The following NFS1 variants were observed in gnomAD, a reference collection of about 807,000 sequenced individuals.
NFS1 encodes NFS1 cysteine desulfurase.
NFS1 carries 26 observed loss-of-function variants against 57.3 expected under a neutral mutation model. The ratio of observed to expected loss-of-function variants is 0.45; its 90% confidence interval spans 0.33 to 0.63. NFS1 has a LOEUF of 0.63. NFS1 is among the 20% of genes least tolerant of loss of function. The probability of loss-of-function intolerance (pLI) is 0.02; values close to 1 mark genes in which losing one functional copy is unlikely to be tolerated. For missense variants in NFS1, 505 were observed against 605.8 expected, an observed-to-expected ratio of 0.83 and a Z score of 1.75; for synonymous variants, 209 against 216.3, an observed-to-expected ratio of 0.97 and a Z score of 0.30.
chr20:35,687,537 C>A (rs1279206752), intron 5 of NFS1, among the ~76,000 whole-genome samples: 1 of 152,154 alleles, frequency 6.6e-6, no homozygotes, highest in African/African-American at 2.4e-5. Context: ...CCTTACCCTG[C>A]CCCTTTGTCT....
At chr20:35,690,861 C>T (rs1394348894) in intron 4 of NFS1, among the ~76,000 whole-genome samples, 3 of 152,238 alleles carry the variant, frequency 2.0e-5, no homozygotes, top group East Asian at 3.9e-4. Context: ...CAGGGCTTCC[C>T]GAAGCCCGGT....
chr20:35,694,230 T>C (rs560240668), intron 4 of NFS1, among the ~76,000 whole-genome samples: 2 of 151,408 alleles, frequency 1.3e-5, no homozygotes, highest in East Asian at 4.0e-4. Flanking sequence ...CTGCAACCTC[T>C]GCCTCCTGGG....
At chr20:35,670,324 A>C (rs910623307) in intron 12 of NFS1, among the ~76,000 whole-genome samples, 1 of 152,196 alleles carries the variant, frequency 6.6e-6, no homozygotes, top group Non-Finnish European at 1.5e-5. Flanking sequence ...CATCTCACAC[A>C]AGAGCTGCTG....
At chr20:35,674,870 T>G in intron 8 of NFS1, 175 bp downstream of exon 8, 1 of 832,484 alleles carries the variant, frequency 1.2e-6, no homozygotes, top group Non-Finnish European at 1.9e-6. Context: ...AGGCCATGGG[T>G]TTTGAAGCCC....
chr20:35,676,156 AT>A (rs1568957207), intron 7 of NFS1: 2 of 151,600 alleles, frequency 1.3e-5, no homozygotes, highest in East Asian at 2.0e-4. Flanking sequence ...ATGGTGGCAC[AT>A]GCCTGTAATC....
chr20:35,688,103 G>C (rs1217947828), intron 5 of NFS1, among the ~76,000 whole-genome samples: 1 of 152,128 alleles, frequency 6.6e-6, no homozygotes, highest in Non-Finnish European at 1.5e-5. Context: ...AAAATTAGCT[G>C]GGCGTGGTGG....
At chr20:35,678,528 C>CAAA (rs1169564584) in intron 7 of NFS1, among the ~76,000 whole-genome samples, 3,889 of 56,806 alleles carry the variant, frequency 0.068, 93 homozygotes, top group South Asian at 0.24. Flanking sequence ...GACTTTGTCT[C>CAAA]AAAAAAAAAA....
intron 5 of NFS1, among the ~76,000 whole-genome samples, chr20:35,683,790 C>CAAA (rs151037025): frequency 1.6e-3 from 87 of 53,836 alleles, no homozygotes; most frequent in African/African-American, 2.4e-3. Context: ...GACTCCATCT[C>CAAA]AAAAAAAAAA....
Position 35,696,211 on chromosome 20 carries a change from T to G in NFS1, c.408+166A>C, listed in dbSNP as rs547880102. On this transcript the variant is annotated intron_variant, in intron 4 of 12. Coordinates refer to ENST00000374092, the MANE Select transcript of NFS1 (RefSeq NM_021100.5). ...AGCAAAGACTTAAGAAAGAGTAGAC[T>G]GCAAAGGGTTAAAGGAAGCAACAAA... is the stretch of plus-strand genomic sequence containing the variant. 2.0e-4 allele frequency among the ~76,000 whole-genome samples: 30 copies of G among 152,162 alleles called. No homozygotes were observed. In the South Asian group the frequency reaches 6.2e-3, roughly 32 times the overall value.
intron 5 of NFS1, among the ~76,000 whole-genome samples, chr20:35,684,126 G>C (rs2034897707): frequency 6.6e-6 from 1 of 150,954 alleles, no homozygotes; most frequent in Non-Finnish European, 1.5e-5. Context: ...AAATAAAATA[G>C]GCTGTGTGTG....
chr20:35,698,447 C>T, intron 2 of NFS1, 34 bp downstream of exon 2: 1 of 1,482,330 alleles, frequency 6.7e-7, no homozygotes, highest in Non-Finnish European at 9.3e-7. Flanking sequence ...CATTTACTTC[C>T]TATAAGCAGC....
intron 5 of NFS1, among the ~76,000 whole-genome samples, chr20:35,686,769 C>A (rs533931903): frequency 1.3e-5 from 2 of 151,926 alleles, no homozygotes; most frequent in Non-Finnish European, 2.9e-5. Flanking sequence ...ACCAAGGGCA[C>A]GAGCTGTTCC....
intron 7 of NFS1, chr20:35,676,246 T>C (rs528393559): frequency 2.2e-3 from 324 of 149,900 alleles, no homozygotes; most frequent in African/African-American, 7.7e-3. Context: ...GATGGCACCA[T>C]TGCACTCCAG....
intron 6 of NFS1, 40 bp from the exon 7 acceptor site, chr20:35,680,911 A>C (rs777150802): frequency 4.2e-6 from 6 of 1,431,080 alleles, no homozygotes; most frequent in Middle Eastern, 1.9e-4. Flanking sequence ...ACAATGTTGG[A>C]AAGTCATCTG....
intron 1 of NFS1, 56 bp from the exon 2 acceptor site, chr20:35,698,646 T>C (rs988734161): frequency 3.3e-6 from 5 of 1,528,358 alleles, no homozygotes; most frequent in African/African-American, 1.4e-5. Context: ...TATGAACGCA[T>C]GGCATCCAAA....
At chr20:35,672,115 G>A (rs550939259) in intron 12 of NFS1, among the ~76,000 whole-genome samples, 3 of 151,460 alleles carry the variant, frequency 2.0e-5, no homozygotes, top group South Asian at 2.1e-4. Flanking sequence ...CCGCCACCAC[G>A]CCCAGCTAAT....
chr20:35,698,453 G>T, intron 2 of NFS1, 28 bp downstream of exon 2: 1 of 1,507,540 alleles, frequency 6.6e-7, no homozygotes, highest in Non-Finnish European at 9.1e-7. Context: ...CTTCCTATAA[G>T]CAGCCTTGGG....
chr20:35,685,986 A>C (rs13043011), intron 5 of NFS1, among the ~76,000 whole-genome samples: 3 of 147,422 alleles, frequency 2.0e-5, no homozygotes, highest in Admixed American at 6.8e-5. Context: ...CTAGAGTGCA[A>C]TGGCACGATC....
intron 4 of NFS1, among the ~76,000 whole-genome samples, chr20:35,694,103 G>A (rs1051715116): frequency 2.6e-5 from 4 of 151,970 alleles, no homozygotes; most frequent in Non-Finnish European, 5.9e-5. Context: ...CTGTGATTGT[G>A]CAACTGCACC....
Sources: gnomAD v4.1 joint callset for allele counts (sites outside exome capture counted in the v4.1 genomes callset) on GRCh38, gnomAD v4.1.1 for gene constraint, MANE v1.5 for transcripts, NCBI Gene and HGNC (gene_info 2026-07-23, HGNC 2026-07-21) for gene names.